TBC1D32: variants seen among roughly 807,000 people sequenced by gnomAD.
TBC1D32 encodes protein broad-minded.
In TBC1D32, 151 loss-of-function variants were observed where a neutral mutation model predicts 170.3. That is an observed-to-expected ratio of 0.89 (90% CI 0.78 to 1.01). TBC1D32 has a LOEUF of 1.01. TBC1D32 is among the 50% of genes least tolerant of loss of function. TBC1D32 has a pLI of 0.00. For synonymous variants in TBC1D32, 498 were observed against 488.0 expected (o/e 1.02, Z -0.27); for missense variants, 1,464 against 1,457.1 (o/e 1.00, Z -0.08).
chr6:121,190,430 T>G, intron 22 of TBC1D32, among the ~76,000 whole-genome samples: 1 of 128,406 alleles, frequency 7.8e-6, no homozygotes, highest in Non-Finnish European at 1.6e-5. Flanking sequence ...TCTACCCCCC[T>G]ACACACCCAC....
chr6:121,320,878 AGT>A (rs1809609890), intron 2 of TBC1D32, among the ~76,000 whole-genome samples: 1 of 152,174 alleles, frequency 6.6e-6, no homozygotes, highest in South Asian at 2.1e-4. Context: ...AACCACAGCA[AGT>A]TTTCAAATGA....
chr6:121,174,665 A>T (rs1787513415), intron 22 of TBC1D32, among the ~76,000 whole-genome samples: 1 of 152,212 alleles, frequency 6.6e-6, no homozygotes, highest in African/African-American at 2.4e-5. Context: ...TAAGAATTTA[A>T]ACAGCTTTAA....
At chr6:121,193,994 C>G (rs1441430276) in intron 22 of TBC1D32, among the ~76,000 whole-genome samples, 3 of 151,468 alleles carry the variant, frequency 2.0e-5, no homozygotes, top group African/African-American at 7.3e-5. Context: ...TTTGTACCTT[C>G]AGCAATGTAG....
At chr6:121,115,291 T>C (rs1779585805) in intron 26 of TBC1D32, 50 bp from the exon 27 acceptor site, 1 of 1,336,480 alleles carries the variant, frequency 7.5e-7, no homozygotes, top group Non-Finnish European at 1.0e-6. Context: ...GTTTGCATAA[T>C]AATCACATTT....
intron 15 of TBC1D32, among the ~76,000 whole-genome samples, chr6:121,270,883 T>A (rs1450839650): frequency 6.6e-6 from 1 of 151,978 alleles, no homozygotes; most frequent in Admixed American, 6.6e-5. Flanking sequence ...GCAAACCGAA[T>A]CCAGCAGCAC....
At chr6:121,288,274 A>G (rs1328979766) in intron 12 of TBC1D32, among the ~76,000 whole-genome samples, 1 of 152,192 alleles carries the variant, frequency 6.6e-6, no homozygotes, top group Non-Finnish European at 1.5e-5. Context: ...ATAAAGAAGA[A>G]AAGAGAGAAG....
rs117099939 is a variant in TBC1D32 at position 121,116,988 on chromosome 6, A to T, written c.2984-1747T>A. Among the ~76,000 whole-genome samples the T allele has an allele frequency of 8.7e-3, 1,326 of 152,328 alleles. 14 individuals carry two copies. The highest frequency in any genetic ancestry group is 0.02 in the Middle Eastern group (6 of 294). The stretch of plus-strand genomic sequence containing the variant: ...ATCTTCTGAGGGACTTTTTAAAACT[A>T]AAGATAAATAGACTCGACTCCAGAC... On this transcript the variant is annotated intron_variant, in intron 26 of 31. Transcript: ENST00000398212.
At position 121,174,762 on chromosome 6, in the gene TBC1D32, G is replaced by A. The variant is rs114682802; in HGVS notation, c.2571-13706C>T. On this transcript the variant is annotated intron_variant, in intron 22 of 31. Coordinates refer to ENST00000398212, the MANE Select transcript of TBC1D32 (RefSeq NM_152730.6). ...TAAGAGTAAAGGGACCAGGCATACT[G>A]AATCATGCCTGTAATCCCAGCATTT... Among the ~76,000 whole-genome samples the A allele has an allele frequency of 3.4e-3, 514 of 152,238 alleles. 2 individuals are homozygous for A. The highest frequency in any genetic ancestry group is 0.012 in the African/African-American group (492 of 41,536).
chr6:121,230,794 T>C (rs75100692), intron 20 of TBC1D32, among the ~76,000 whole-genome samples: 2,867 of 152,110 alleles, frequency 0.019, 102 homozygotes, highest in African/African-American at 0.066. Flanking sequence ...TAGTCATTTA[T>C]TTTTATTTCA....
At chr6:121,178,175 T>A (rs1788025471) in intron 22 of TBC1D32, among the ~76,000 whole-genome samples, 1 of 152,138 alleles carries the variant, frequency 6.6e-6, no homozygotes, top group African/African-American at 2.4e-5. Context: ...CATGATTCAA[T>A]TATCTCTGCC....
intron 3 of TBC1D32, among the ~76,000 whole-genome samples, chr6:121,313,761 T>C (rs1808566522): frequency 6.6e-6 from 1 of 152,090 alleles, no homozygotes; most frequent in African/African-American, 2.4e-5. Flanking sequence ...CAGGCTGGGA[T>C]GTAGCTAATC....
At position 121,304,628 on chromosome 6, in the gene TBC1D32, GA is replaced by G. The variant is rs150140922; in HGVS notation, c.770-4del. 36 of 1,576,772 alleles carry G rather than the reference GA, an allele frequency of 2.3e-5. No individual in the cohort carries two copies. Among genetic ancestry groups the G allele is most frequent in the Admixed American group, 1.5e-4 (8 of 53,746 alleles). ...AAAGTATGACTCCAAATACTTAGCTGAAAAAAAAGGGAAAACATAAAATTAC... is the reference window on the plus strand; with the variant it reads ...AAAGTATGACTCCAAATACTTAGCTGAAAAAAAGGGAAAACATAAAATTAC... On this transcript the variant is annotated splice_polypyrimidine_tract_variant and splice_region_variant and intron_variant, in intron 6 of 31. Coordinates refer to ENST00000398212, the MANE Select transcript of TBC1D32 (RefSeq NM_152730.6).
chr6:121,322,690 T>C (rs2128504219), intron 1 of TBC1D32, among the ~76,000 whole-genome samples: 1 of 152,354 alleles, frequency 6.6e-6, no homozygotes, highest in South Asian at 2.1e-4. Flanking sequence ...ACACTGTTGG[T>C]AGACTTGACA....
At chr6:121,199,688 T>C (rs1791288227) in intron 22 of TBC1D32, among the ~76,000 whole-genome samples, 1 of 151,278 alleles carries the variant, frequency 6.6e-6, no homozygotes, top group Admixed American at 6.6e-5. Context: ...GATGGTTTTG[T>C]CATCATGTTA....
intron 3 of TBC1D32, among the ~76,000 whole-genome samples, chr6:121,315,277 A>G (rs1193779718): frequency 6.6e-6 from 1 of 152,236 alleles, no homozygotes; most frequent in Non-Finnish European, 1.5e-5. Context: ...TAGTGAATAT[A>G]AAGCTAAGTA....
intron 15 of TBC1D32, among the ~76,000 whole-genome samples, chr6:121,277,505 A>AAAC (rs1802386551): frequency 6.6e-6 from 1 of 150,798 alleles, no homozygotes; most frequent in African/African-American, 2.4e-5. Flanking sequence ...AAAAAAAAAA[A>AAAC]AAAAACCACA....
chr6:121,223,092 T>C (rs1011976819), intron 21 of TBC1D32, 144 bp downstream of exon 21: 1 of 550,776 alleles, frequency 1.8e-6, no homozygotes, highest in Non-Finnish European at 3.1e-6. Flanking sequence ...AAAGTTGATA[T>C]AATTCATGCA....
Position 121,299,452 on chromosome 6 carries a change from CTT to C in TBC1D32, c.1132_1133del (p.Lys378ValfsTer15), listed in dbSNP as rs1320113106. On this transcript the variant is annotated frameshift_variant, in exon 10 of 32. Transcript: ENST00000398212. LOFTEE classifies it high-confidence loss of function. ...TVLRLLETKY[K>X]SLVTTAIQQC... is the part of the protein sequence containing the mutation. The stretch of plus-strand genomic sequence containing the variant: ...AACAGAATTACAGACTTACCAGAGA[CTT>C]ATATTTCGTTTCAAGAAGTCTTAAT... The C allele has an allele frequency of 6.6e-7, 1 of 1,504,040 alleles. No individual in the cohort carries two copies. Among genetic ancestry groups the C allele is most frequent in the Admixed American group, 1.8e-5 (1 of 54,618 alleles). The allele number at this position is 1,504,040 out of a possible 1,614,324, so 93.2% of individuals were successfully genotyped here. A position where few individuals can be genotyped will look rare whatever the true frequency, so the allele number is the denominator to read the frequency against.
chr6:121,207,142 CT>C (rs1373004989), intron 21 of TBC1D32, among the ~76,000 whole-genome samples: 1 of 152,174 alleles, frequency 6.6e-6, no homozygotes, highest in Admixed American at 6.5e-5. Context: ...CACTGTTAAT[CT>C]TCACAGAACA....
Sources: allele counts gnomAD v4.1 joint callset (sites outside exome capture counted in the v4.1 genomes callset), GRCh38; gene constraint gnomAD v4.1.1; transcripts MANE v1.5; gene names NCBI Gene and HGNC (gene_info 2026-07-23, HGNC 2026-07-21).